The following GRIK1 variants were observed in gnomAD, a reference collection of about 807,000 sequenced individuals.
The protein encoded by GRIK1 is glutamate ionotropic receptor kainate type subunit 1, also known as glutamate receptor ionotropic, kainate 1.
A neutral mutation model predicts 105.7 loss-of-function variants in GRIK1; 69 were observed. The ratio of observed to expected loss-of-function variants is 0.65; its 90% CI spans 0.54 to 0.80. The LOEUF is 0.80. Ranked by LOEUF, GRIK1 falls within the 30% of genes least tolerant of loss-of-function variation. The pLI, the probability that GRIK1 is intolerant of heterozygous loss-of-function variation, is 0.00. For missense variants in GRIK1, 1,109 were observed against 1,167.3 expected, an observed-to-expected ratio of 0.95 and a Z score of 0.73; for synonymous variants, 438 against 431.3, an observed-to-expected ratio of 1.02 and a Z score of -0.19.
At chr21:29,592,114 G>A (rs1288903138) in intron 9 of GRIK1, among the ~76,000 whole-genome samples, 1 of 152,200 alleles carries the variant, frequency 6.6e-6, no homozygotes, top group Non-Finnish European at 1.5e-5. Context: ...ATGTGCATGA[G>A]AAGTAGACTA....
intron 3 of GRIK1, among the ~76,000 whole-genome samples, chr21:29,677,393 T>C (rs879065521): frequency 1.3e-5 from 2 of 152,234 alleles, no homozygotes; most frequent in Admixed American, 1.3e-4. Flanking sequence ...GAAAGAAGGC[T>C]GTTTTTTTTC....
chr21:29,762,869 A>G (rs1274661919), intron 1 of GRIK1, among the ~76,000 whole-genome samples: 1 of 152,218 alleles, frequency 6.6e-6, no homozygotes, highest in Non-Finnish European at 1.5e-5. Context: ...TTGAAATGAA[A>G]TACTGGATAT....
At chr21:29,673,964 T>G (rs1050207696) in intron 3 of GRIK1, among the ~76,000 whole-genome samples, 3 of 152,202 alleles carry the variant, frequency 2.0e-5, no homozygotes, top group African/African-American at 7.2e-5. Context: ...AAAGCCGCTG[T>G]GTAAAAGGCT....
At chr21:29,817,834 A>C (rs1601773591) in intron 1 of GRIK1, among the ~76,000 whole-genome samples, 2 of 152,064 alleles carry the variant, frequency 1.3e-5, no homozygotes, top group African/African-American at 4.8e-5. Context: ...TTTATACAGA[A>C]CCTGTTATGT....
chr21:29,715,149 G>C (rs903300471), intron 1 of GRIK1, among the ~76,000 whole-genome samples: 1 of 152,140 alleles, frequency 6.6e-6, no homozygotes, highest in African/African-American at 2.4e-5. Flanking sequence ...CATAATTCAG[G>C]GTTGTTCAGG....
At chr21:29,854,228 C>T (rs553181891) in intron 1 of GRIK1, among the ~76,000 whole-genome samples, 6 of 151,994 alleles carry the variant, frequency 3.9e-5, no homozygotes, top group Admixed American at 1.3e-4. Flanking sequence ...AGTGGGGCTG[C>T]GCTGTTTTAA....
At chr21:29,843,771 GACTA>G (rs2068041863) in intron 1 of GRIK1, among the ~76,000 whole-genome samples, 1 of 152,122 alleles carries the variant, frequency 6.6e-6, no homozygotes, top group Non-Finnish European at 1.5e-5. Context: ...TGGGGAGGGG[GACTA>G]ACTGAGGGAG....
chr21:29,891,511 C>T (rs2069898007), intron 1 of GRIK1, among the ~76,000 whole-genome samples: 1 of 152,130 alleles, frequency 6.6e-6, no homozygotes, highest in African/African-American at 2.4e-5. Flanking sequence ...CCATTCCTTC[C>T]CTTTCTGTGA....
chr21:29,931,050 CA>C (rs1445147376), intron 1 of GRIK1, among the ~76,000 whole-genome samples: 2 of 152,130 alleles, frequency 1.3e-5, no homozygotes, highest in African/African-American at 4.8e-5. Context: ...AATACAGTAC[CA>C]AGTTCACATG....
intron 14 of GRIK1, among the ~76,000 whole-genome samples, chr21:29,563,562 T>C (rs979079358): frequency 5.9e-5 from 9 of 151,962 alleles, no homozygotes; most frequent in Non-Finnish European, 1.5e-5. Flanking sequence ...GTTTTGGGGG[T>C]CAGGTTTACT....
At chr21:29,620,147 G>A (rs1003026776) in intron 7 of GRIK1, among the ~76,000 whole-genome samples, 2 of 152,190 alleles carry the variant, frequency 1.3e-5, no homozygotes, top group Non-Finnish European at 2.9e-5. Flanking sequence ...TATTCGCCAA[G>A]TAATTTAGGA....
At chr21:29,649,887 A>T (rs936520549) in intron 6 of GRIK1, among the ~76,000 whole-genome samples, 2 of 152,208 alleles carry the variant, frequency 1.3e-5, no homozygotes, top group Admixed American at 1.3e-4. Flanking sequence ...GAGGATTTCG[A>T]ACCATATTTG....
chr21:29,566,470 G>T (rs144582827), intron 14 of GRIK1, among the ~76,000 whole-genome samples: 13 of 152,262 alleles, frequency 8.5e-5, no homozygotes, highest in Admixed American at 8.5e-4. Flanking sequence ...TCCTCATGCT[G>T]ATGAAACATT....
intron 1 of GRIK1, among the ~76,000 whole-genome samples, chr21:29,791,918 C>A (rs886679997): frequency 6.6e-6 from 1 of 152,110 alleles, no homozygotes; most frequent in Non-Finnish European, 1.5e-5. Flanking sequence ...AATATTTACA[C>A]ATGTATTGAT....
In GRIK1 at chr21:29,720,215, T is replaced by A. The variant is rs541581964; in HGVS notation, c.119-26152A>T. 1.8e-4 allele frequency among the ~76,000 whole-genome samples: 28 copies of A among 152,354 alleles called. 1 individual carries two copies. Among genetic ancestry groups the A allele is most frequent in the Admixed American group, 1.7e-3 (26 of 15,304 alleles). On this transcript the variant is annotated intron_variant, in intron 1 of 17. Coordinates refer to ENST00000327783, the MANE Select transcript of GRIK1 (RefSeq NM_001330994.2). The stretch of plus-strand genomic sequence containing the variant: ...CGTGTTTTTTAAAACTGTGTGCACA[T>A]ATTTCTCAGATTATTATTTTATTTT...
chr21:29,658,761 A>G (rs1026862848), intron 4 of GRIK1, among the ~76,000 whole-genome samples: 3 of 152,124 alleles, frequency 2.0e-5, no homozygotes, highest in African/African-American at 7.2e-5. Context: ...TTCCAACTCA[A>G]AGGGTACATA....
intron 1 of GRIK1, among the ~76,000 whole-genome samples, chr21:29,808,708 T>A (rs2066928727): frequency 6.6e-6 from 1 of 152,204 alleles, no homozygotes; most frequent in African/African-American, 2.4e-5. Context: ...ACATACCACT[T>A]ATGCATAATT....
intron 1 of GRIK1, among the ~76,000 whole-genome samples, chr21:29,882,313 G>A (rs2832470): frequency 0.15 from 23,455 of 151,896 alleles, 1,849 homozygotes; most frequent in Non-Finnish European, 0.18. Flanking sequence ...AAAAGAGTTT[G>A]GCCCATACTT....
intron 1 of GRIK1, among the ~76,000 whole-genome samples, chr21:29,856,662 C>T (rs1569163828): frequency 6.6e-6 from 1 of 152,196 alleles, no homozygotes; most frequent in African/African-American, 2.4e-5. Flanking sequence ...CTGGGGCTTA[C>T]ATTGCAGTGA....
Sources: allele counts gnomAD v4.1 joint callset (sites outside exome capture counted in the v4.1 genomes callset), GRCh38; gene constraint gnomAD v4.1.1; transcripts MANE v1.5; gene names NCBI Gene and HGNC (gene_info 2026-07-23, HGNC 2026-07-21).